ATG7: variants seen among roughly 807,000 people sequenced by gnomAD.
The protein encoded by ATG7 is autophagy related 7, also known as ubiquitin-like modifier-activating enzyme ATG7.
In ATG7, 70 loss-of-function variants were observed where a neutral mutation model predicts 82.4. The ratio of observed to expected loss-of-function variants is 0.85; its 90% CI spans 0.70 to 1.04. The LOEUF is 1.04. Among genes scored for constraint, ATG7 ranks in the 50% least tolerant of loss-of-function variants. The pLI, the probability that ATG7 is intolerant of heterozygous loss-of-function variation, is 0.00. For synonymous variants in ATG7, 287 were observed against 313.0 expected, an observed-to-expected ratio of 0.92 and a Z score of 0.88; for missense variants, 792 against 864.3, an observed-to-expected ratio of 0.92 and a Z score of 1.05.
chr3:11,281,126 T>C (rs1182388824), intron 2 of ATG7, 24 bp downstream of exon 2: 2 of 152,224 alleles, frequency 1.3e-5, no homozygotes, highest in Non-Finnish European at 2.9e-5. Flanking sequence ...TACTCTGTCA[T>C]GACTTTTTCT....
At chr3:11,409,737 T>A (rs2080712324) in intron 19 of ATG7, among the ~76,000 whole-genome samples, 1 of 151,934 alleles carries the variant, frequency 6.6e-6, no homozygotes, top group Non-Finnish European at 1.5e-5. Context: ...CATTTTGAGT[T>A]ATTTTTTGTG....
intron 8 of ATG7, 147 bp downstream of exon 8, chr3:11,313,567 T>C: frequency 3.8e-6 from 2 of 530,454 alleles, no homozygotes; most frequent in South Asian, 3.1e-5. Context: ...AGCAGACTTA[T>C]TTAGAAAATG....
In ATG7 at chr3:11,333,102, C is replaced by T; in HGVS notation, c.889+9C>T. 1.9e-6 allele frequency: 3 copies of T among 1,543,382 alleles called. No homozygotes were observed. The highest frequency in any genetic ancestry group is 1.7e-6 in the Non-Finnish European group (2 of 1,149,522). On this transcript the variant is annotated intron_variant, in intron 11 of 20. Coordinates refer to ENST00000693202, the MANE Select transcript of ATG7 (RefSeq NM_001349232.2). ...AATGGCATTTAGCCCAGGTAATTTG[C>T]CGGTCTTTGAAAATGCATATAATTA...
chr3:11,445,350 C>T (rs2084434435), intron 20 of ATG7, among the ~76,000 whole-genome samples: 2 of 152,304 alleles, frequency 1.3e-5, no homozygotes, highest in South Asian at 2.1e-4. Context: ...AGTACATATA[C>T]ACCATGGAAT....
chr3:11,426,713 A>G, intron 19 of ATG7, 91 bp from the exon 20 acceptor site: 1 of 1,256,378 alleles, frequency 8.0e-7, no homozygotes, highest in Non-Finnish European at 1.1e-6. Context: ...TTTTAATTTT[A>G]TTTTTGACAA....
At chr3:11,386,344 A>T (rs1205477245) in intron 19 of ATG7, among the ~76,000 whole-genome samples, 2 of 152,214 alleles carry the variant, frequency 1.3e-5, no homozygotes, top group Non-Finnish European at 1.5e-5. Context: ...AGCCATTTAG[A>T]TCACTGTTAA....
At chr3:11,452,384 CAAAAA>C (rs34530409) in intron 20 of ATG7, among the ~76,000 whole-genome samples, 3 of 58,420 alleles carry the variant, frequency 5.1e-5, no homozygotes, top group African/African-American at 7.6e-5. Context: ...GAACCTGTCT[CAAAAA>C]AAAAAAAAAA....
intron 1 of ATG7, chr3:11,277,255 A>T (rs1394575625): frequency 6.6e-6 from 1 of 152,150 alleles, no homozygotes; most frequent in East Asian, 1.9e-4. Flanking sequence ...CCTTTACTAA[A>T]ATAGAGATCT....
intron 18 of ATG7, among the ~76,000 whole-genome samples, chr3:11,375,038 T>TA (rs2077305519): frequency 2.8e-5 from 4 of 144,534 alleles, no homozygotes; most frequent in African/African-American, 1.1e-4. Context: ...CTCATCTCTC[T>TA]TAAAAAAAAA....
intron 18 of ATG7, among the ~76,000 whole-genome samples, chr3:11,375,790 C>T (rs1291193346): frequency 6.6e-6 from 1 of 152,190 alleles, no homozygotes. Context: ...GAATTCCCGA[C>T]CTTGTGATCC....
intron 9 of ATG7, 64 bp downstream of exon 9, chr3:11,315,557 C>T (rs1380155621): frequency 1.5e-6 from 2 of 1,361,448 alleles, no homozygotes; most frequent in African/African-American, 1.5e-5. Flanking sequence ...GTTCATGTTA[C>T]AAGAGACCAC....
chr3:11,559,152 G>A (rs2072727480), downstream of ATG7, among the ~76,000 whole-genome samples: 1 of 152,192 alleles, frequency 6.6e-6, no homozygotes, highest in Admixed American at 6.5e-5. Context: ...TGTTTCTCAT[G>A]CCCTTCCCAC....
intron 20 of ATG7, among the ~76,000 whole-genome samples, chr3:11,454,302 G>A (rs1164448522): frequency 6.6e-6 from 1 of 152,198 alleles, no homozygotes. Flanking sequence ...GGGACCCCAG[G>A]CAATCAGCAC....
intron 20 of ATG7, among the ~76,000 whole-genome samples, chr3:11,535,718 C>T (rs1239853831): frequency 3.3e-5 from 5 of 152,110 alleles, no homozygotes; most frequent in African/African-American, 1.2e-4. Flanking sequence ...CGGGGGCGTG[C>T]GCTGGGGGGA....
At chr3:11,353,676 G>A (rs577885862) in intron 14 of ATG7, among the ~76,000 whole-genome samples, 1 of 152,232 alleles carries the variant, frequency 6.6e-6, no homozygotes, top group East Asian at 1.9e-4. Context: ...GCGAGAGCTA[G>A]TTGTTTGAAA....
chr3:11,395,832 C>T (rs1175143338), intron 19 of ATG7, among the ~76,000 whole-genome samples: 1 of 150,156 alleles, frequency 6.7e-6, no homozygotes, highest in African/African-American at 2.5e-5. Flanking sequence ...CCCAGCTACT[C>T]GGGAGGCTGA....
chr3:11,494,122 G>T (rs915835819), intron 20 of ATG7, among the ~76,000 whole-genome samples: 4 of 152,210 alleles, frequency 2.6e-5, no homozygotes, highest in Non-Finnish European at 4.4e-5. Context: ...CTGTTGCCAG[G>T]GAAGAAGGCT....
chr3:11,407,653 A>G (rs2080476670), intron 19 of ATG7, among the ~76,000 whole-genome samples: 1 of 152,240 alleles, frequency 6.6e-6, no homozygotes, highest in South Asian at 2.1e-4. Flanking sequence ...ATAGGTTCCC[A>G]AACCTCAATT....
chr3:11,392,775 A>G (rs1387543147), intron 19 of ATG7, among the ~76,000 whole-genome samples: 3 of 152,188 alleles, frequency 2.0e-5, no homozygotes, highest in Non-Finnish European at 4.4e-5. Context: ...ACTGAGCTGA[A>G]CTGATTTTGT....
Sources: gnomAD v4.1 joint callset for allele counts (sites outside exome capture counted in the v4.1 genomes callset) on GRCh38, gnomAD v4.1.1 for gene constraint, MANE v1.5 for transcripts, NCBI Gene and HGNC (gene_info 2026-07-23, HGNC 2026-07-21) for gene names.